Variants in NOVA2 observed in about 807,000 individuals in gnomAD.
NOVA2 encodes the protein NOVA alternative splicing regulator 2.
Under a neutral mutation model 22.5 loss-of-function variants are expected in NOVA2, and 9 were observed. The observed-to-expected ratio is 0.40, with a 90% CI of 0.24 to 0.70. NOVA2 has a LOEUF of 0.70. NOVA2 is among the 30% of genes least tolerant of loss of function. NOVA2 has a pLI of 0.38. For synonymous variants in NOVA2, 318 were observed against 335.2 expected, an observed-to-expected ratio of 0.95 and a Z score of 0.56; for missense variants, 383 against 682.8, an observed-to-expected ratio of 0.56 and a Z score of 4.89.
At chr19:45,953,695 C>T in intron 3 of NOVA2, 85 bp downstream of exon 3, 2 of 1,524,118 alleles carry the variant, frequency 1.3e-6, no homozygotes, top group Non-Finnish European at 9.1e-7. Context: ...TCCCATTGAA[C>T]CTCACAGTAA....
intron 3 of NOVA2, among the ~76,000 whole-genome samples, chr19:45,944,279 T>C (rs553589123): frequency 6.6e-6 from 1 of 151,810 alleles, no homozygotes; most frequent in Admixed American, 6.6e-5. Context: ...CTGTCTCTAG[T>C]AAAAATACAA....
chr19:45,964,179 CTTTTT>C (rs10555207), intron 1 of NOVA2, among the ~76,000 whole-genome samples: 39 of 106,934 alleles, frequency 3.6e-4, no homozygotes, highest in East Asian at 1.6e-3. Flanking sequence ...TTTTCTTTTT[CTTTTT>C]TTTTTTTTTT....
At chr19:45,953,011 C>T (rs1967948859) in intron 3 of NOVA2, among the ~76,000 whole-genome samples, 1 of 152,256 alleles carries the variant, frequency 6.6e-6, no homozygotes, top group Non-Finnish European at 1.5e-5. Context: ...CCCCATTGCA[C>T]GGAGTACGCA....
intron 2 of NOVA2, among the ~76,000 whole-genome samples, chr19:45,957,207 T>C (rs1600611230): frequency 6.6e-6 from 1 of 151,948 alleles, no homozygotes; most frequent in Non-Finnish European, 1.5e-5. Flanking sequence ...GCTCAGGAGT[T>C]CAGCCTGGGC....
In NOVA2 at chr19:45,954,863, T is replaced by TGTGC. The variant is rs1464983505; in HGVS notation, c.230-918_230-917insGCAC. 6.2e-4 allele frequency among the ~76,000 whole-genome samples: 92 copies of TGTGC among 148,430 alleles called. 1 individual carries two copies. The highest frequency in any genetic ancestry group is 2.3e-3 in the African/African-American group (90 of 39,868). On this transcript the variant is annotated intron_variant, in intron 2 of 3. Transcript: ENST00000263257. ...CTGCGAGGCTGGTGAGTGGTGTGTG[T>TGTGC]GTGTGTGTGTGTGTGTGTGTGTGTG...
At chr19:45,949,321 CAAA>C (rs11320511) in intron 3 of NOVA2, among the ~76,000 whole-genome samples, 303 of 126,644 alleles carry the variant, frequency 2.4e-3, no homozygotes, top group Admixed American at 5.0e-3. Flanking sequence ...GCTGTTATTT[CAAA>C]AAAAAAAAAA....
chr19:45,971,249 A>C (rs1968228980), intron 1 of NOVA2, among the ~76,000 whole-genome samples: 1 of 152,114 alleles, frequency 6.6e-6, no homozygotes, highest in South Asian at 2.1e-4. Context: ...TGTGCTGAGA[A>C]GTGATCAGAT....
intron 1 of NOVA2, among the ~76,000 whole-genome samples, chr19:45,968,583 T>TATA (rs903577038): frequency 3.3e-5 from 5 of 152,082 alleles, no homozygotes; most frequent in South Asian, 2.1e-4. Context: ...CATACACTTA[T>TATA]ATAATAATAA....
rs534582981 is a variant in NOVA2, at chr19:45,966,493, C to T, written c.86-5340G>A. Among the ~76,000 whole-genome samples, 3 of 151,468 alleles carry T rather than the reference C, an allele frequency of 2.0e-5. No individual in the cohort carries two copies. In the South Asian group the frequency reaches 6.4e-4, roughly 33 times the overall value. ...ATGTTGCCCAGGCTGGTCTTGAACT[C>T]CTGGGCTCAAGGGATCTGCTCACCT... is the stretch of plus-strand genomic sequence containing the variant. On this transcript the variant is annotated intron_variant, in intron 1 of 3. Transcript: ENST00000263257.
At chr19:45,953,476 GAAGA>G (rs1967957471) in intron 3 of NOVA2, among the ~76,000 whole-genome samples, 1 of 152,166 alleles carries the variant, frequency 6.6e-6, no homozygotes. Flanking sequence ...GGATGAGGTG[GAAGA>G]GAGAAGAGGA....
In NOVA2 at chr19:45,935,683, T is replaced by A. The variant is rs891030654; in HGVS notation, c.*4180A>T. ...CTGCACAGTCTATCACAGCCTCTAA[T>A]CCCGGTCCTGAAACAGCAATCATCC... On this transcript the variant is annotated 3_prime_UTR_variant, in exon 4 of 4. Transcript: ENST00000263257. 2 of 152,340 alleles carry A rather than the reference T, an allele frequency of 1.3e-5. No homozygotes were observed. Among genetic ancestry groups the A allele is most frequent in the African/African-American group, 2.4e-5 (1 of 41,424 alleles). The allele number at this position is 152,340 out of a possible 1,614,324, so 9.4% of individuals were successfully genotyped here. A position where few individuals can be genotyped will look rare whatever the true frequency, so the allele number is the denominator to read the frequency against.
intron 1 of NOVA2, among the ~76,000 whole-genome samples, chr19:45,969,067 G>A (rs575750648): frequency 1.3e-4 from 20 of 152,300 alleles, no homozygotes; most frequent in African/African-American, 4.6e-4. Flanking sequence ...GCTGAGGTAC[G>A]AGAATTGCTT....
At chr19:45,946,794 C>T (rs1020316214) in intron 3 of NOVA2, among the ~76,000 whole-genome samples, 3 of 151,584 alleles carry the variant, frequency 2.0e-5, no homozygotes, top group Admixed American at 1.3e-4. Flanking sequence ...ATTGCTTGAA[C>T]CTGGGAGGCG....
chr19:45,960,751 A>T (rs1309088612), intron 2 of NOVA2, among the ~76,000 whole-genome samples: 1 of 151,990 alleles, frequency 6.6e-6, no homozygotes, highest in African/African-American at 2.4e-5. Context: ...GTGGGAAAAG[A>T]CACATCTGCC....
intron 1 of NOVA2, among the ~76,000 whole-genome samples, chr19:45,969,574 T>C (rs1215468547): frequency 7.0e-6 from 1 of 143,276 alleles, no homozygotes; most frequent in Non-Finnish European, 1.5e-5. Flanking sequence ...TGGTGTAAGC[T>C]ACGTTGAGGG....
chr19:45,957,001 T>C (rs1035135352), intron 2 of NOVA2, among the ~76,000 whole-genome samples: 1 of 152,178 alleles, frequency 6.6e-6, no homozygotes, highest in Admixed American at 6.5e-5. Flanking sequence ...AGGCATAAAA[T>C]GATGACAGTT....
intron 3 of NOVA2, among the ~76,000 whole-genome samples, chr19:45,941,773 ATGGT>A (rs1195782137): frequency 6.6e-6 from 1 of 152,100 alleles, no homozygotes; most frequent in African/African-American, 2.4e-5. Flanking sequence ...TATATCCACA[ATGGT>A]TGGTTAATGA....
chr19:45,945,845 T>A (rs982017629), intron 3 of NOVA2, among the ~76,000 whole-genome samples: 1 of 150,576 alleles, frequency 6.6e-6, no homozygotes, highest in African/African-American at 2.4e-5. Flanking sequence ...ATTATTTTTT[T>A]TTTTTTTGAG....
rs1343798281 is a variant in NOVA2 at position 45,939,791 on chromosome 19, T to G, written c.*72A>C. 3.0e-5 allele frequency: 47 copies of G among 1,541,560 alleles called. No homozygotes were observed. The highest frequency in any genetic ancestry group is 4.0e-5 in the Non-Finnish European group (45 of 1,128,930). ...GACTACACCAAGCTGAGGTCAGGAG[T>G]TGGGGGGGAGGAGGAGAGGGAAGAG... is the stretch of plus-strand genomic sequence containing the variant. On this transcript the variant is annotated 3_prime_UTR_variant, in exon 4 of 4. Transcript: ENST00000263257.
Sources: allele counts gnomAD v4.1 joint callset (sites outside exome capture counted in the v4.1 genomes callset), GRCh38; gene constraint gnomAD v4.1.1; transcripts MANE v1.5; gene names NCBI Gene and HGNC (gene_info 2026-07-23, HGNC 2026-07-21).